MAP3K7CL: variants seen among roughly 807,000 people sequenced by gnomAD.
MAP3K7CL encodes the protein MAP3K7 C-terminal-like protein.
In MAP3K7CL, 16 loss-of-function variants were observed where a neutral mutation model predicts 18.6. The ratio of observed to expected loss-of-function variants is 0.86; its 90% CI spans 0.58 to 1.31. The LOEUF is 1.31. Ranked by LOEUF, MAP3K7CL falls within the 50% of genes most tolerant of loss-of-function variation. The pLI, the probability that MAP3K7CL is intolerant of heterozygous loss-of-function variation, is 0.00. For missense variants in MAP3K7CL, 163 were observed against 174.4 expected (o/e 0.93, Z 0.37); for synonymous variants, 65 against 66.8 (o/e 0.97, Z 0.13).
chr21:29,148,713 G>A (rs1037880642), intron 2 of MAP3K7CL, among the ~76,000 whole-genome samples: 1 of 152,174 alleles, frequency 6.6e-6, no homozygotes, highest in Non-Finnish European at 1.5e-5. Flanking sequence ...CTGCCTGTTA[G>A]TGTGGTTTGT....
chr21:29,118,939 T>G (rs985495996), intron 4 of MAP3K7CL, among the ~76,000 whole-genome samples: 1 of 152,252 alleles, frequency 6.6e-6, no homozygotes, highest in African/African-American at 2.4e-5. Flanking sequence ...ACTTCCCATA[T>G]TCCCCATTCC....
At chr21:29,109,333 A>C in intron 4 of MAP3K7CL, 18 of 1,400,638 alleles carry the variant, frequency 1.3e-5, no homozygotes, top group Non-Finnish European at 1.7e-5. Flanking sequence ...CCTTCTAGTA[A>C]TTAATTTGAT....
In MAP3K7CL at chr21:29,130,744, G is replaced by A. The variant is rs2086763859; in HGVS notation, c.-219G>A. 1 of 985,440 alleles carries A rather than the reference G, an allele frequency of 1.0e-6. No individual in the cohort carries two copies. Among genetic ancestry groups the A allele is most frequent in the African/African-American group, 1.7e-5 (1 of 57,236 alleles). The allele number at this position is 985,440 out of a possible 1,614,324, so 61.0% of individuals were successfully genotyped here. ...AGGTCCCGTGGGACGCTGGGGTCTG[G>A]GGCAGAGCAGGTAGCAGCGTGCTGC... On this transcript the variant is annotated 5_prime_UTR_variant, in exon 1 of 5. Transcript: ENST00000399928.
upstream of MAP3K7CL, among the ~76,000 whole-genome samples, chr21:29,084,472 A>G (rs1459116862): frequency 2.6e-5 from 4 of 152,356 alleles, no homozygotes; most frequent in South Asian, 8.3e-4. Context: ...TCAAATGCTT[A>G]TCAGCCATCA....
At chr21:29,098,166 G>A (rs553472857) in intron 4 of MAP3K7CL, among the ~76,000 whole-genome samples, 51 of 152,218 alleles carry the variant, frequency 3.4e-4, no homozygotes, top group Admixed American at 1.8e-3. Context: ...TTCTGTTGGA[G>A]AGCACCAGTC....
upstream of MAP3K7CL, among the ~76,000 whole-genome samples, chr21:29,128,551 C>T (rs985394316): frequency 6.6e-6 from 1 of 152,200 alleles, no homozygotes; most frequent in Non-Finnish European, 1.5e-5. Context: ...ATCTGCCTGC[C>T]TCAGCCTCCC....
chr21:29,078,096 T>C (rs774324664), intron 1 of MAP3K7CL, among the ~76,000 whole-genome samples: 2 of 152,206 alleles, frequency 1.3e-5, no homozygotes, highest in African/African-American at 2.4e-5. Context: ...TTGATTTTTT[T>C]TGTATTATTA....
At chr21:29,091,168 C>G (rs1265605686) in intron 1 of MAP3K7CL, among the ~76,000 whole-genome samples, 1 of 152,166 alleles carries the variant, frequency 6.6e-6, no homozygotes, top group African/African-American at 2.4e-5. Flanking sequence ...TATATACATT[C>G]CTTTTTCATT....
upstream of MAP3K7CL, among the ~76,000 whole-genome samples, chr21:29,127,525 T>C (rs142964166): frequency 5.0e-3 from 765 of 152,308 alleles, 8 homozygotes; most frequent in African/African-American, 0.018. Flanking sequence ...ACATCATTGC[T>C]CATATGGGAA....
At chr21:29,114,191 C>A (rs1234551804) in intron 4 of MAP3K7CL, among the ~76,000 whole-genome samples, 1 of 151,664 alleles carries the variant, frequency 6.6e-6, no homozygotes, top group Admixed American at 6.6e-5. Context: ...GTCTCAGCCT[C>A]CCAAGTAGCT....
At chr21:29,134,787 C>T (rs548412790) in intron 2 of MAP3K7CL, among the ~76,000 whole-genome samples, 8 of 152,298 alleles carry the variant, frequency 5.3e-5, no homozygotes, top group South Asian at 2.1e-4. Context: ...CGGTGGCTCA[C>T]GCCTGTAATC....
intron 4 of MAP3K7CL, chr21:29,109,068 A>G (rs890401309): frequency 1.4e-5 from 22 of 1,534,928 alleles, no homozygotes; most frequent in Admixed American, 5.9e-5. Flanking sequence ...CCTGGATCCT[A>G]TCAGAGAAAC....
intron 4 of MAP3K7CL, among the ~76,000 whole-genome samples, chr21:29,170,491 T>C (rs779018941): frequency 7.2e-5 from 11 of 152,160 alleles, no homozygotes; most frequent in Non-Finnish European, 1.5e-4. Flanking sequence ...GTTATCCCCA[T>C]TACCACCACC....
At chr21:29,145,076 G>A (rs545261970) in intron 2 of MAP3K7CL, among the ~76,000 whole-genome samples, 1 of 152,088 alleles carries the variant, frequency 6.6e-6, no homozygotes, top group Non-Finnish European at 1.5e-5. Flanking sequence ...GATACATTTT[G>A]CTTGGTCTAG....
intron 1 of MAP3K7CL, among the ~76,000 whole-genome samples, chr21:29,087,906 T>C (rs547018301): frequency 1.3e-5 from 2 of 152,214 alleles, no homozygotes; most frequent in Admixed American, 1.3e-4. Flanking sequence ...CTCATTTTCT[T>C]AATGATCATG....
chr21:29,113,070 C>T (rs1384291458), intron 4 of MAP3K7CL, among the ~76,000 whole-genome samples: 3 of 152,248 alleles, frequency 2.0e-5, no homozygotes, highest in African/African-American at 7.2e-5. Flanking sequence ...GCTGGGATTA[C>T]AGGCGTGAGC....
intron 3 of MAP3K7CL, among the ~76,000 whole-genome samples, chr21:29,154,590 A>G (rs2142206): frequency 0.88 from 134,057 of 152,170 alleles, 59,314 homozygotes; most frequent in African/African-American, 0.92. Flanking sequence ...CCTGTTATCC[A>G]AGCAGCCTCT....
chr21:29,103,960 G>C (rs1271723740), intron 4 of MAP3K7CL, among the ~76,000 whole-genome samples: 2 of 151,394 alleles, frequency 1.3e-5, no homozygotes, highest in African/African-American at 4.9e-5. Context: ...AGCTTTTGGA[G>C]TAATTTTTTT....
chr21:29,114,811 T>C (rs2086478401), intron 4 of MAP3K7CL, among the ~76,000 whole-genome samples: 1 of 152,170 alleles, frequency 6.6e-6, no homozygotes, highest in Non-Finnish European at 1.5e-5. Context: ...TGGGAATGTC[T>C]ACATTCCATC....
Sources: gnomAD v4.1 joint callset for allele counts (sites outside exome capture counted in the v4.1 genomes callset) on GRCh38, gnomAD v4.1.1 for gene constraint, MANE v1.5 for transcripts, NCBI Gene and HGNC (gene_info 2026-07-23, HGNC 2026-07-21) for gene names.